The following MASP2 variants were observed in gnomAD, a reference collection of about 807,000 sequenced individuals.
MASP2 encodes MBL associated serine protease 2, also known as mannan-binding lectin serine protease 2.
A neutral mutation model predicts 57.1 loss-of-function variants in MASP2; 49 were observed. That is an observed-to-expected ratio of 0.86 (90% CI 0.68 to 1.09). The LOEUF (loss-of-function observed/expected upper bound fraction) is 1.09. Ranked by LOEUF, MASP2 falls within the 50% of genes least tolerant of loss-of-function variation. The pLI is 0.00. For missense variants in MASP2, 900 were observed against 874.8 expected, an observed-to-expected ratio of 1.03 and a Z score of -0.36; for synonymous variants, 379 against 340.8, an observed-to-expected ratio of 1.11 and a Z score of -1.24.
At chr1:11,041,624 TG>T (rs1446376956) in intron 6 of MASP2, among the ~76,000 whole-genome samples, 1 of 145,402 alleles carries the variant, frequency 6.9e-6, no homozygotes, top group Non-Finnish European at 1.5e-5. Context: ...GATGGATGGA[TG>T]GATGGATGGA....
rs72550891 is a variant in MASP2 at position 11,047,076 on chromosome 1, G to C, written c.49C>G (p.Pro17Ala). Residue 17 changes from proline (P) to alanine (A), a missense_variant, in exon 2 of 11, where the codon CCC becomes GCC. Coordinates refer to ENST00000400897, the MANE Select transcript of MASP2 (RefSeq NM_006610.4). ...LGLLCGSVAT[P>A]LGPKWPEPVF... is the part of the protein sequence containing the mutation. The stretch of plus-strand genomic sequence containing the variant: ...GGTTCAGGCCACTTCGGGCCCAAGG[G>C]GGTGGCCACCGAGCCACACAGAAGG... The C allele has an allele frequency of 6.3e-5, 98 of 1,550,718 alleles. No homozygotes were observed. The Admixed American group carries it at 1.4e-3, about 23-fold the overall frequency.
intron 7 of MASP2, 116 bp from the exon 8 acceptor site, chr1:11,035,022 G>A: frequency 1.5e-6 from 1 of 686,698 alleles, no homozygotes; most frequent in South Asian, 2.0e-5. Context: ...TCCTGAAGGG[G>A]GTGGCAGCAC....
At chr1:11,029,001 C>CT (rs1177051448) in intron 10 of MASP2, among the ~76,000 whole-genome samples, 24 of 130,090 alleles carry the variant, frequency 1.8e-4, no homozygotes, top group East Asian at 9.4e-4. Flanking sequence ...TTCTTTTTCT[C>CT]TTTTTTTTTG....
chr1:11,030,714 A>G (rs774088457), intron 9 of MASP2, 34 bp downstream of exon 9: 10 of 1,564,646 alleles, frequency 6.4e-6, no homozygotes, highest in Admixed American at 1.9e-5. Flanking sequence ...AGTTCCAAGT[A>G]TTGCCCACCC....
At chr1:11,031,339 C>T (rs959784713) in intron 8 of MASP2, among the ~76,000 whole-genome samples, 3 of 151,092 alleles carry the variant, frequency 2.0e-5, no homozygotes, top group East Asian at 1.9e-4. Context: ...CTGGCTAACA[C>T]GGTGAAACCC....
chr1:11,030,683 T>C, intron 9 of MASP2, 65 bp downstream of exon 9: 1 of 1,506,920 alleles, frequency 6.6e-7, no homozygotes, highest in Non-Finnish European at 8.8e-7. Context: ...TTAAAGTTTA[T>C]TTTCAGACCA....
At chr1:11,033,660 G>A (rs12034587) in intron 8 of MASP2, among the ~76,000 whole-genome samples, 3 of 151,048 alleles carry the variant, frequency 2.0e-5, no homozygotes, top group Admixed American at 1.3e-4. Flanking sequence ...AGAAAAAAAA[G>A]AAAAAAATAT....
chr1:11,038,571 T>G (rs1329574750), intron 6 of MASP2, among the ~76,000 whole-genome samples: 2 of 151,994 alleles, frequency 1.3e-5, no homozygotes, highest in Non-Finnish European at 2.9e-5. Flanking sequence ...AGTTTCGGAG[T>G]CCTCTCCTCC....
intron 7 of MASP2, among the ~76,000 whole-genome samples, chr1:11,036,720 C>T (rs1014062749): frequency 4.7e-5 from 7 of 148,756 alleles, no homozygotes; most frequent in African/African-American, 9.9e-5. Context: ...CACTGGGATT[C>T]CATGACAATT....
intron 6 of MASP2, among the ~76,000 whole-genome samples, chr1:11,040,935 G>A (rs1570750361): frequency 6.6e-6 from 1 of 150,710 alleles, no homozygotes; most frequent in East Asian, 2.0e-4. Flanking sequence ...AGAAGGATGG[G>A]TGGGTAGATA....
At chr1:11,041,119 A>AGATGAAT (rs1638415352) in intron 6 of MASP2, among the ~76,000 whole-genome samples, 2 of 148,204 alleles carry the variant, frequency 1.3e-5, no homozygotes, top group Non-Finnish European at 3.0e-5. Context: ...GGATGGATGG[A>AGATGAAT]TGGATGGATG....
intron 10 of MASP2, among the ~76,000 whole-genome samples, chr1:11,029,497 A>G (rs921554513): frequency 6.6e-6 from 1 of 152,094 alleles, no homozygotes; most frequent in Non-Finnish European, 1.5e-5. Context: ...ATTGATGTTT[A>G]AAAACTAGAT....
intron 6 of MASP2, among the ~76,000 whole-genome samples, chr1:11,042,557 G>A (rs72550854): frequency 0.023 from 3,448 of 151,668 alleles, 136 homozygotes; most frequent in African/African-American, 0.077. Context: ...ATGGGTGGGT[G>A]GATTGATGAA....
chr1:11,039,721 T>C (rs1356996274), intron 6 of MASP2, among the ~76,000 whole-genome samples: 2 of 150,926 alleles, frequency 1.3e-5, no homozygotes, highest in Non-Finnish European at 3.0e-5. Context: ...GGTGGATAGA[T>C]GGATAGCTGG....
intron 8 of MASP2, among the ~76,000 whole-genome samples, chr1:11,032,403 G>A (rs976709102): frequency 1.4e-4 from 21 of 152,092 alleles, no homozygotes; most frequent in African/African-American, 4.6e-4. Flanking sequence ...CTTGAGATTA[G>A]GAGTTGGAGA....
chr1:11,045,962 G>T lies in MASP2; in HGVS notation c.413-423C>A, dbSNP rs181167353. 1,604 of 206,960 alleles carry T rather than the reference G, an allele frequency of 7.8e-3. 9 individuals carry two copies. Among genetic ancestry groups the T allele is most frequent in the Middle Eastern group, 0.016 (8 of 498 alleles). 12.8% of individuals were successfully genotyped at this position (206,960 alleles called of 1,614,324 possible). On this transcript the variant is annotated intron_variant, in intron 3 of 10. Coordinates refer to ENST00000400897, the MANE Select transcript of MASP2 (RefSeq NM_006610.4). ...AAACATCCTGGCAGCGCTCCCGCTG[G>T]CAGGGCCCCACTTTGTCAGCTGTAA...
intron 6 of MASP2, among the ~76,000 whole-genome samples, chr1:11,040,643 T>A (rs1638396543): frequency 6.7e-6 from 1 of 150,058 alleles, no homozygotes; most frequent in Non-Finnish European, 1.5e-5. Flanking sequence ...TATGGATGGA[T>A]GGATAGGATT....
At chr1:11,030,643 CT>C (rs1643828024) in intron 9 of MASP2, 104 bp downstream of exon 9, 1 of 1,293,376 alleles carries the variant, frequency 7.7e-7, no homozygotes, top group East Asian at 2.5e-5. Flanking sequence ...GGCTTTTAAT[CT>C]TTTGTCTAGC....
intron 3 of MASP2, 22 bp downstream of exon 3, chr1:11,046,519 CGCAGACTGAGATGTT>C (rs776110284): frequency 1.2e-5 from 19 of 1,610,592 alleles, no homozygotes; most frequent in Non-Finnish European, 1.6e-5. Context: ...CAGCCAGCTG[CGCAGACTGAGATGTT>C]GCAGGACCCC....
Sources: gnomAD v4.1 joint callset for allele counts (sites outside exome capture counted in the v4.1 genomes callset) on GRCh38, gnomAD v4.1.1 for gene constraint, MANE v1.5 for transcripts, NCBI Gene and HGNC (gene_info 2026-07-23, HGNC 2026-07-21) for gene names.